Variants in SGCZ observed in about 807,000 individuals in gnomAD.
The protein encoded by SGCZ is zeta-sarcoglycan.
Under a neutral mutation model 41.3 loss-of-function variants are expected in SGCZ, and 40 were observed. The ratio of observed to expected loss-of-function variants is 0.97; its 90% CI spans 0.75 to 1.26. The LOEUF (loss-of-function observed/expected upper bound fraction) is 1.26. Among genes scored for constraint, SGCZ ranks in the 50% most tolerant of loss-of-function variants. The probability of loss-of-function intolerance (pLI) is 0.00; values close to 1 mark genes in which losing one functional copy is unlikely to be tolerated. For synonymous variants in SGCZ, 206 were observed against 137.5 expected, an observed-to-expected ratio of 1.50 and a Z score of -3.49; for missense variants, 552 against 369.8, an observed-to-expected ratio of 1.49 and a Z score of -4.04.
At chr8:14,417,317 C>T (rs1799520225) in intron 2 of SGCZ, among the ~76,000 whole-genome samples, 2 of 151,866 alleles carry the variant, frequency 1.3e-5, no homozygotes, top group Admixed American at 1.3e-4. Context: ...GGCATACATT[C>T]ATTTCTTTAT....
chr8:14,091,619 T>C (rs1000081575), intron 7 of SGCZ, among the ~76,000 whole-genome samples: 16 of 152,156 alleles, frequency 1.1e-4, no homozygotes, highest in Non-Finnish European at 2.4e-4. Flanking sequence ...TGCATAAATA[T>C]CTTCTTTTGA....
chr8:14,444,739 C>A (rs564813998), intron 2 of SGCZ, among the ~76,000 whole-genome samples: 3 of 151,862 alleles, frequency 2.0e-5, no homozygotes, highest in Non-Finnish European at 4.4e-5. Context: ...GTGCAGCACA[C>A]CCGCATGGCA....
At chr8:14,608,260 C>T (rs1177081616) in intron 1 of SGCZ, among the ~76,000 whole-genome samples, 7 of 148,068 alleles carry the variant, frequency 4.7e-5, no homozygotes, top group Admixed American at 6.7e-5. Context: ...TTATTTGAGG[C>T]TTTTTTTTTT....
chr8:14,925,233 G>A (rs951490409), intron 1 of SGCZ, among the ~76,000 whole-genome samples: 11 of 152,108 alleles, frequency 7.2e-5, no homozygotes, highest in Non-Finnish European at 1.2e-4. Context: ...ACCACAAACT[G>A]TCTTAATATG....
At chr8:14,356,399 G>T (rs1803293721) in intron 2 of SGCZ, among the ~76,000 whole-genome samples, 1 of 152,036 alleles carries the variant, frequency 6.6e-6, no homozygotes. Context: ...ATTCCTACAT[G>T]CTAGAGAAAA....
chr8:14,450,502 T>C (rs950113261), intron 2 of SGCZ, among the ~76,000 whole-genome samples: 4 of 152,164 alleles, frequency 2.6e-5, no homozygotes, highest in South Asian at 2.1e-4. Flanking sequence ...ATATGCCTTA[T>C]CGAGAGTGTT....
intron 4 of SGCZ, among the ~76,000 whole-genome samples, chr8:14,167,656 A>G (rs1366768168): frequency 6.6e-6 from 1 of 152,204 alleles, no homozygotes; most frequent in East Asian, 1.9e-4. Flanking sequence ...TATTAGATAT[A>G]TGTGCAAATA....
At chr8:15,217,256 A>T (rs1393366018) in intron 1 of SGCZ, among the ~76,000 whole-genome samples, 2 of 151,558 alleles carry the variant, frequency 1.3e-5, no homozygotes, top group Non-Finnish European at 2.9e-5. Flanking sequence ...TTTCTACTAA[A>T]AATACAAAAA....
At chr8:15,060,586 T>C (rs1804888967) in intron 1 of SGCZ, among the ~76,000 whole-genome samples, 1 of 149,556 alleles carries the variant, frequency 6.7e-6, no homozygotes, top group Admixed American at 6.7e-5. Context: ...GACGAGTTAA[T>C]GGGTGCAGCA....
intron 1 of SGCZ, among the ~76,000 whole-genome samples, chr8:14,620,339 G>T (rs182869496): frequency 6.6e-6 from 1 of 152,106 alleles, no homozygotes; most frequent in Non-Finnish European, 1.5e-5. Context: ...AAAAACCCTA[G>T]AAGAAAACCT....
rs1389884158 is a variant in SGCZ at position 14,087,145 on chromosome 8, T to C, written c.*3298A>G. 2.0e-5 allele frequency among the ~76,000 whole-genome samples: 3 copies of C among 151,622 alleles called. No homozygotes were observed. The highest frequency in any genetic ancestry group is 4.4e-5 in the Non-Finnish European group (3 of 67,702). ...TCTTAAACTCTTAGATAAATAATTA[T>C]GTGCCAAATTATAAAACATATCATT... On this transcript the variant is annotated 3_prime_UTR_variant, in exon 8 of 8. Transcript: ENST00000382080.
At chr8:14,906,558 A>C (rs1350552067) in intron 1 of SGCZ, among the ~76,000 whole-genome samples, 1 of 152,210 alleles carries the variant, frequency 6.6e-6, no homozygotes, top group Non-Finnish European at 1.5e-5. Flanking sequence ...AATTTAATTT[A>C]AACAGATATT....
chr8:14,919,395 C>T (rs775488131), intron 1 of SGCZ, among the ~76,000 whole-genome samples: 12 of 152,042 alleles, frequency 7.9e-5, no homozygotes, highest in Non-Finnish European at 1.5e-4. Context: ...GAGCCGAGAT[C>T]GCACCACTGC....
chr8:14,696,433 A>T (rs907371116), intron 1 of SGCZ, among the ~76,000 whole-genome samples: 9 of 152,120 alleles, frequency 5.9e-5, no homozygotes, highest in African/African-American at 2.2e-4. Flanking sequence ...AGCCTCCCTG[A>T]GCTTAAAGAA....
intron 1 of SGCZ, among the ~76,000 whole-genome samples, chr8:14,808,076 T>C (rs564255690): frequency 1.5e-4 from 23 of 152,114 alleles, no homozygotes; most frequent in African/African-American, 4.1e-4. Context: ...ATACAAAAAT[T>C]AATTCAAGAT....
At chr8:14,524,444 T>C (rs1302067534) in intron 2 of SGCZ, among the ~76,000 whole-genome samples, 3 of 152,058 alleles carry the variant, frequency 2.0e-5, no homozygotes, top group Non-Finnish European at 4.4e-5. Flanking sequence ...GCTCTTTATA[T>C]GACCCTCAGT....
At chr8:14,223,631 A>G (rs1468664415) in intron 4 of SGCZ, among the ~76,000 whole-genome samples, 1 of 152,148 alleles carries the variant, frequency 6.6e-6, no homozygotes, top group African/African-American at 2.4e-5. Flanking sequence ...TGTTAAAGGG[A>G]CAGATGCTAT....
intron 4 of SGCZ, among the ~76,000 whole-genome samples, chr8:14,182,590 G>T (rs972172824): frequency 2.0e-5 from 3 of 152,002 alleles, no homozygotes; most frequent in Non-Finnish European, 2.9e-5. Flanking sequence ...TAGTACGAAG[G>T]TTTTCTCATA....
chr8:15,096,377 T>G lies in SGCZ; in HGVS notation c.39+141208A>C, dbSNP rs534213990. 1.4e-4 allele frequency among the ~76,000 whole-genome samples: 22 copies of G among 152,252 alleles called. No individual in the cohort carries two copies. In the East Asian group the frequency reaches 1.9e-3, roughly 13 times the overall value. On this transcript the variant is annotated intron_variant, in intron 1 of 7. Coordinates refer to ENST00000382080, the MANE Select transcript of SGCZ (RefSeq NM_139167.4). ...TGCTGAGATGATAGGAATGATCCAC[T>G]GCTCCTAGCCAAGAAATAGTTTATT... is the stretch of plus-strand genomic sequence containing the variant.
Sources: gnomAD v4.1 joint callset for allele counts (sites outside exome capture counted in the v4.1 genomes callset) on GRCh38, gnomAD v4.1.1 for gene constraint, MANE v1.5 for transcripts, NCBI Gene and HGNC (gene_info 2026-07-23, HGNC 2026-07-21) for gene names.